The following DLGAP1 variants were observed in gnomAD, a reference collection of about 807,000 sequenced individuals.
DLGAP1 encodes disks large-associated protein 1.
DLGAP1 carries 11 observed loss-of-function variants against 90.8 expected under a neutral mutation model. The observed-to-expected ratio is 0.12, with a 90% CI of 0.08 to 0.20. The LOEUF (loss-of-function observed/expected upper bound fraction) is 0.20. Among genes scored for constraint, DLGAP1 ranks in the 10% least tolerant of loss-of-function variants. The pLI is 1.00. For missense variants in DLGAP1, 1,050 were observed against 1,333.8 expected (o/e 0.79, Z 3.31); for synonymous variants, 558 against 540.7 (o/e 1.03, Z -0.44).
chr18:4,138,612 T>A (rs1411476195), intron 2 of DLGAP1, among the ~76,000 whole-genome samples: 2 of 152,084 alleles, frequency 1.3e-5, no homozygotes, highest in East Asian at 3.8e-4. Context: ...CTTTGATGTG[T>A]CCTTGTCTGG....
chr18:3,688,473 TA>T (rs573649357), intron 7 of DLGAP1, among the ~76,000 whole-genome samples: 2 of 150,550 alleles, frequency 1.3e-5, no homozygotes, highest in South Asian at 2.1e-4. Flanking sequence ...GAAAAATTAT[TA>T]AAAAAAAACA....
chr18:3,933,420 C>G (rs2148933270), intron 3 of DLGAP1, among the ~76,000 whole-genome samples: 1 of 152,332 alleles, frequency 6.6e-6, no homozygotes, highest in East Asian at 1.9e-4. Context: ...CCCATTTCTG[C>G]TAAGGGGTTC....
chr18:3,508,604 A>C lies in DLGAP1; in HGVS notation c.2537T>G (p.Phe846Cys), dbSNP rs759554695. 1.6e-5 allele frequency: 26 copies of C among 1,613,832 alleles called. No individual in the cohort carries two copies. Among genetic ancestry groups the C allele is most frequent in the Non-Finnish European group, 2.2e-5 (26 of 1,179,958 alleles). ...TTCACACAGTTCTCTGAACTGGTAG[A>C]ATTTCTGGGCCATGAGAAGTTGGGC... is the stretch of plus-strand genomic sequence containing the variant. ...GSAQLLMAQK[F>C]YQFRELCEEN... The change falls in exon 11 of 13, where the codon TTC (phenylalanine) becomes TGC (cysteine). Residue 846 changes from phenylalanine (F) to cysteine (C), a missense_variant. Around this residue, in one of 2 missense-constraint regions of DLGAP1, gnomAD observed 565 missense variants for 879.7 expected, o/e 0.64. Transcript: ENST00000315677.
At chr18:4,180,075 C>A (rs778675731) in intron 1 of DLGAP1, among the ~76,000 whole-genome samples, 13 of 152,162 alleles carry the variant, frequency 8.5e-5, no homozygotes, top group Non-Finnish European at 1.6e-4. Context: ...GGATCTCCCT[C>A]GTGATCTCCC....
At chr18:3,638,066 C>T (rs7240565) in intron 7 of DLGAP1, among the ~76,000 whole-genome samples, 53,930 of 150,000 alleles carry the variant, frequency 0.36, 10,427 homozygotes, top group East Asian at 0.79. Context: ...CCTGCCTCAG[C>T]CTCCCGGGTA....
chr18:3,768,980 A>C (rs899501298), intron 5 of DLGAP1, among the ~76,000 whole-genome samples: 1 of 152,176 alleles, frequency 6.6e-6, no homozygotes, highest in East Asian at 1.9e-4. Flanking sequence ...GAAGATGAAA[A>C]GATAAGCTAG....
chr18:4,435,732 C>A lies in DLGAP1; in HGVS notation c.-267+19274G>T, dbSNP rs574634005. On this transcript the variant is annotated intron_variant, in intron 1 of 12. Coordinates refer to ENST00000315677, the MANE Select transcript of DLGAP1 (RefSeq NM_004746.4). ...AAAACCACTCTGCAAAAATGTAATT[C>A]TGGAGAGATAAAAGCTGCCCAACTT... Among the ~76,000 whole-genome samples the A allele has an allele frequency of 2.6e-5, 4 of 152,302 alleles. No homozygotes were observed. In the South Asian group the frequency reaches 6.2e-4, roughly 24 times the overall value.
chr18:4,452,578 T>A (rs759319484), intron 1 of DLGAP1, among the ~76,000 whole-genome samples: 1 of 152,196 alleles, frequency 6.6e-6, no homozygotes, highest in Non-Finnish European at 1.5e-5. Flanking sequence ...TTGGGTTGAA[T>A]AGGACACTTA....
intron 2 of DLGAP1, among the ~76,000 whole-genome samples, chr18:4,064,621 A>G (rs2075346385): frequency 6.6e-6 from 1 of 152,100 alleles, no homozygotes; most frequent in Admixed American, 6.6e-5. Flanking sequence ...ATGGACACAG[A>G]CACCCTCCCT....
intron 7 of DLGAP1, among the ~76,000 whole-genome samples, chr18:3,646,691 G>T (rs922751524): frequency 6.6e-6 from 1 of 152,156 alleles, no homozygotes; most frequent in African/African-American, 2.4e-5. Context: ...GTGGGAGGCC[G>T]AGGCGGGCAG....
intron 2 of DLGAP1, among the ~76,000 whole-genome samples, chr18:4,116,302 A>T (rs940924508): frequency 6.6e-6 from 1 of 152,084 alleles, no homozygotes; most frequent in Non-Finnish European, 1.5e-5. Context: ...CTACATTTTG[A>T]CTATAATGTG....
intron 5 of DLGAP1, among the ~76,000 whole-genome samples, chr18:3,767,542 A>G (rs548718124): frequency 1.6e-4 from 25 of 152,232 alleles, no homozygotes; most frequent in African/African-American, 5.8e-4. Flanking sequence ...ATAAAGAATT[A>G]TACACCATGA....
chr18:3,636,576 TA>T (rs1402301505), intron 7 of DLGAP1, among the ~76,000 whole-genome samples: 1 of 135,752 alleles, frequency 7.4e-6, no homozygotes, highest in Non-Finnish European at 1.6e-5. Context: ...AATGCATGGC[TA>T]AATTTTGTAT....
intron 1 of DLGAP1, among the ~76,000 whole-genome samples, chr18:4,285,678 G>A (rs542201126): frequency 4.6e-5 from 7 of 152,136 alleles, no homozygotes; most frequent in African/African-American, 1.4e-4. Context: ...TACAGAAATC[G>A]GCAGTGAGGT....
Position 4,022,936 on chromosome 18 carries a change from T to C in DLGAP1, c.-158-17735A>G, listed in dbSNP as rs1347743572. On this transcript the variant is annotated intron_variant, in intron 2 of 12. Coordinates refer to ENST00000315677, the MANE Select transcript of DLGAP1 (RefSeq NM_004746.4). ...ATTTAATTAGTATTTTCCTTAGCAG[T>C]AGAATTGGTGGATTGTTGGGTGTAT... Among the ~76,000 whole-genome samples the C allele has an allele frequency of 5.8e-5, 8 of 137,208 alleles. 1 individual carries two copies. The highest frequency in any genetic ancestry group is 2.2e-4 in the African/African-American group (8 of 36,918). The allele number at this position is 137,208 out of a possible 152,430, so 90.0% of individuals were successfully genotyped here. A position where few individuals can be genotyped will look rare whatever the true frequency, so the allele number is the denominator to read the frequency against.
At chr18:4,301,008 A>C (rs1028918213) in intron 1 of DLGAP1, among the ~76,000 whole-genome samples, 5 of 152,140 alleles carry the variant, frequency 3.3e-5, no homozygotes, top group Non-Finnish European at 5.9e-5. Context: ...AAATTGACAA[A>C]TTATAGTTGT....
chr18:3,881,918 G>A (rs2071182305), intron 3 of DLGAP1, among the ~76,000 whole-genome samples: 1 of 152,032 alleles, frequency 6.6e-6, no homozygotes. Context: ...GTCTGTCTCA[G>A]AACAAACAAA....
At chr18:3,540,430 A>T (rs751813581) in intron 9 of DLGAP1, among the ~76,000 whole-genome samples, 10 of 138,592 alleles carry the variant, frequency 7.2e-5, no homozygotes, top group Non-Finnish European at 1.2e-4. Context: ...AGATTGCACC[A>T]CTGCACTCCA....
At chr18:4,033,193 A>C (rs991851116) in intron 2 of DLGAP1, among the ~76,000 whole-genome samples, 1 of 151,826 alleles carries the variant, frequency 6.6e-6, no homozygotes, top group East Asian at 1.9e-4. Flanking sequence ...TTTTAATTTC[A>C]TATGATATGA....
Sources: gnomAD v4.1 joint callset for allele counts (sites outside exome capture counted in the v4.1 genomes callset) on GRCh38, gnomAD v4.1.1 for gene constraint, gnomAD v4.1.1 regional missense constraint, MANE v1.5 for transcripts, NCBI Gene and HGNC (gene_info 2026-07-23, HGNC 2026-07-21) for gene names.